The following RAB11FIP2 variants were observed in gnomAD, a reference collection of about 807,000 sequenced individuals.
RAB11FIP2 encodes RAB11 family interacting protein 2, also known as rab11 family-interacting protein 2.
A neutral mutation model predicts 40.9 loss-of-function variants in RAB11FIP2; 16 were observed. The ratio of observed to expected loss-of-function variants is 0.39; its 90% CI spans 0.26 to 0.59. The LOEUF (loss-of-function observed/expected upper bound fraction) is 0.59. Among genes scored for constraint, RAB11FIP2 ranks in the 20% least tolerant of loss-of-function variants. RAB11FIP2 has a pLI of 0.53. For missense variants in RAB11FIP2, 532 were observed against 606.2 expected (o/e 0.88, Z 1.28); for synonymous variants, 228 against 213.7 (o/e 1.07, Z -0.58).
intron 2 of RAB11FIP2, 143 bp downstream of exon 2, chr10:118,039,980 T>C: frequency 1.5e-6 from 1 of 681,542 alleles, no homozygotes. Context: ...TGAGGTATAG[T>C]AGGTACTCAA....
At chr10:118,040,634 C>T (rs1846546846) in intron 1 of RAB11FIP2, 69 bp from the exon 2 acceptor site, 2 of 1,139,080 alleles carry the variant, frequency 1.8e-6, no homozygotes. Context: ...CTGTTACATA[C>T]AAATAGCCTT....
At chr10:118,038,798 A>C (rs982826451) in intron 3 of RAB11FIP2, 174 bp downstream of exon 3, 4 of 544,306 alleles carry the variant, frequency 7.3e-6, no homozygotes, top group Non-Finnish European at 1.2e-5. Context: ...AAAAAAGTTC[A>C]GTTCCAAAAA....
At chr10:118,036,087 G>A (rs1038518940) in intron 3 of RAB11FIP2, among the ~76,000 whole-genome samples, 22 of 152,126 alleles carry the variant, frequency 1.4e-4, no homozygotes, top group African/African-American at 4.6e-4. Context: ...TAAAAAAAGT[G>A]TGCCTTAGTA....
intron 3 of RAB11FIP2, among the ~76,000 whole-genome samples, chr10:118,018,961 C>A (rs1846252294): frequency 6.7e-6 from 1 of 149,368 alleles, no homozygotes; most frequent in Admixed American, 6.7e-5. Context: ...TCTTTTGGAA[C>A]AAGAATACCT....
intron 3 of RAB11FIP2, chr10:118,033,849 C>G (rs1266155090): frequency 1.6e-6 from 1 of 635,716 alleles, no homozygotes; most frequent in Non-Finnish European, 2.8e-6. Flanking sequence ...ATGCTAAGTG[C>G]TCTAATAAAT....
chr10:118,015,049 C>G lies in RAB11FIP2; in HGVS notation c.1311+16G>C. 3 of 1,600,774 alleles carry G rather than the reference C, an allele frequency of 1.9e-6. No individual in the cohort carries two copies. Among genetic ancestry groups the G allele is most frequent in the Non-Finnish European group, 2.6e-6 (3 of 1,171,252 alleles). On this transcript the variant is annotated intron_variant, in intron 4 of 4. Transcript: ENST00000355624. ...GCTTACTCTTTGACAACCCTCTAAC[C>G]CCTTCAGCAACTTACCGGGATTTTC...
Position 118,040,203 on chromosome 10 carries a change from T to G in RAB11FIP2, c.716A>C (p.Glu239Ala). 1 of 1,613,804 alleles carries G rather than the reference T, an allele frequency of 6.2e-7. No homozygotes were observed. The highest frequency in any genetic ancestry group is 1.3e-5 in the African/African-American group (1 of 74,988). Residue 239 changes from glutamate (E) to alanine (A), a missense_variant, in exon 2 of 5, where the codon GAG becomes GCG. Coordinates refer to ENST00000355624, the MANE Select transcript of RAB11FIP2 (RefSeq NM_014904.3). ...ACCTATGGTGCCAGCCTTCAGTTTCTCAGAAGACATATGGGACCCAGATAA... is the reference window on the plus strand; with the variant it reads ...ACCTATGGTGCCAGCCTTCAGTTTCGCAGAAGACATATGGGACCCAGATAA... ...SDLSGSHMSS[E>A]KLKAGTIGQT... is the part of the protein sequence containing the mutation.
At chr10:118,020,117 G>A (rs1179968654) in intron 3 of RAB11FIP2, among the ~76,000 whole-genome samples, 3 of 152,102 alleles carry the variant, frequency 2.0e-5, no homozygotes, top group African/African-American at 7.2e-5. Context: ...ATGAGGAAAT[G>A]GGCACAGAGA....
chr10:118,010,140 C>T (rs1207466218), intron 4 of RAB11FIP2, among the ~76,000 whole-genome samples: 2 of 152,038 alleles, frequency 1.3e-5, no homozygotes, highest in East Asian at 3.8e-4. Flanking sequence ...AATCAAGGCC[C>T]TGTAACATAA....
intron 4 of RAB11FIP2, among the ~76,000 whole-genome samples, chr10:118,014,431 C>T (rs1467621073): frequency 2.6e-5 from 4 of 152,114 alleles, no homozygotes; most frequent in Non-Finnish European, 5.9e-5. Context: ...ATTGCAGATG[C>T]AATGGAACTC....
intron 3 of RAB11FIP2, 22 bp from the exon 4 acceptor site, chr10:118,015,132 T>C: frequency 6.3e-7 from 1 of 1,588,968 alleles, no homozygotes; most frequent in South Asian, 1.1e-5. Context: ...CAAACAAATG[T>C]TAAAAGTGTC....
chr10:118,026,208 C>A (rs1450921051), intron 3 of RAB11FIP2, among the ~76,000 whole-genome samples: 1 of 152,166 alleles, frequency 6.6e-6, no homozygotes, highest in Admixed American at 6.5e-5. Context: ...AAGATCTTAT[C>A]CATCTCTGTA....
intron 4 of RAB11FIP2, among the ~76,000 whole-genome samples, chr10:118,012,950 A>G (rs949887012): frequency 3.9e-5 from 6 of 152,128 alleles, no homozygotes; most frequent in Admixed American, 1.3e-4. Flanking sequence ...TGGACTGGTA[A>G]GAAAATATTA....
chr10:118,046,124 G>A lies in RAB11FIP2; in HGVS notation c.40C>T (p.His14Tyr), dbSNP rs1216811127. ...GCTTGGAGCACTGTGACCTGCACGT[G>A]GGTTGGAAACCACTTTTGGGCTTGC... Reference protein sequence around the residue: ...SEQAQKWFPTHVQVTVLQAKD... With the variant: ...SEQAQKWFPTYVQVTVLQAKD... Residue 14 changes from histidine to tyrosine, a missense_variant, in exon 1 of 5, where the codon CAC becomes TAC. Transcript: ENST00000355624. The A allele has an allele frequency of 8.1e-6, 13 of 1,614,176 alleles. No individual in the cohort carries two copies. The highest frequency in any genetic ancestry group is 1.0e-5 in the Non-Finnish European group (12 of 1,180,042).
chr10:118,042,815 T>C (rs1846577700), intron 1 of RAB11FIP2, among the ~76,000 whole-genome samples: 1 of 152,184 alleles, frequency 6.6e-6, no homozygotes, highest in Admixed American at 6.5e-5. Flanking sequence ...AAATACACTA[T>C]AATGTCCATT....
At chr10:118,026,073 C>T (rs1425148350) in intron 3 of RAB11FIP2, among the ~76,000 whole-genome samples, 1 of 152,088 alleles carries the variant, frequency 6.6e-6, no homozygotes. Flanking sequence ...ATACATATAA[C>T]CAAGGAAAAG....
In RAB11FIP2 at chr10:118,040,334, A is replaced by G. The variant is rs779641555; in HGVS notation, c.585T>C (p.Asp195=). The part of the protein sequence containing the change: ...SAIIPSTHMP[D]ANSEFSSGEI... Reference sequence around the variant, plus strand: ...CACCACTTGAAAATTCACTATTGGCATCGGGCATGTGAGTACTTGGAATGA... The same window carrying G: ...CACCACTTGAAAATTCACTATTGGCGTCGGGCATGTGAGTACTTGGAATGA... The change falls in exon 2 of 5, where the codon GAT becomes GAC. Residue 195 remains aspartate (D), a synonymous_variant. Coordinates refer to ENST00000355624, the MANE Select transcript of RAB11FIP2 (RefSeq NM_014904.3). 7 of 1,613,920 alleles carry G rather than the reference A, an allele frequency of 4.3e-6. No homozygotes were observed. The highest frequency in any genetic ancestry group is 1.1e-5 in the South Asian group (1 of 91,084).
In RAB11FIP2 at chr10:118,039,324, T is replaced by C; in HGVS notation, c.913A>G (p.Thr305Ala). ...TGGGGTAATGAAGCAGTCACATTTG[T>C]AAATGGGTCATTTTGTCTTCCGAAA... Reference protein sequence around the residue: ...LCFGRQNDPFTNVTASLPQKF... With the variant: ...LCFGRQNDPFANVTASLPQKF... Residue 305 changes from threonine (T) to alanine (A), a missense_variant, in exon 3 of 5, where the codon ACA (threonine) becomes GCA (alanine). Coordinates refer to ENST00000355624, the MANE Select transcript of RAB11FIP2 (RefSeq NM_014904.3). 6.2e-7 allele frequency: 1 copy of C among 1,613,778 alleles called. No homozygotes were observed. Among genetic ancestry groups the C allele is most frequent in the Non-Finnish European group, 8.5e-7 (1 of 1,179,732 alleles).
intron 1 of RAB11FIP2, among the ~76,000 whole-genome samples, chr10:118,042,407 C>A (rs574090191): frequency 2.0e-5 from 3 of 151,950 alleles, no homozygotes; most frequent in Non-Finnish European, 4.4e-5. Context: ...ATGTAACTTC[C>A]CAATGTCAGA....
Sources: gnomAD v4.1 joint callset for allele counts (sites outside exome capture counted in the v4.1 genomes callset) on GRCh38, gnomAD v4.1.1 for gene constraint, MANE v1.5 for transcripts, NCBI Gene and HGNC (gene_info 2026-07-23, HGNC 2026-07-21) for gene names.